Variants in ARHGEF7 observed in about 807,000 individuals in gnomAD.
The protein encoded by ARHGEF7 is Rho guanine nucleotide exchange factor 7.
Under a neutral mutation model 109.8 loss-of-function variants are expected in ARHGEF7, and 33 were observed. That is an observed-to-expected ratio of 0.30 (90% CI 0.23 to 0.40). The LOEUF is 0.40. Among genes scored for constraint, ARHGEF7 ranks in the 10% least tolerant of loss-of-function variants. The pLI is 1.00. For missense variants in ARHGEF7, 938 were observed against 1,098.5 expected (o/e 0.85, Z 2.07); for synonymous variants, 458 against 424.6 (o/e 1.08, Z -0.97).
chr13:111,290,292 A>G (rs2093221754), intron 18 of ARHGEF7, among the ~76,000 whole-genome samples: 1 of 152,260 alleles, frequency 6.6e-6, no homozygotes, highest in Non-Finnish European at 1.5e-5. Context: ...AGAAAAAAGA[A>G]ACAATAAAAA....
At chr13:111,289,196 T>C (rs891895413) in intron 18 of ARHGEF7, among the ~76,000 whole-genome samples, 2 of 152,146 alleles carry the variant, frequency 1.3e-5, no homozygotes, top group Admixed American at 6.5e-5. Context: ...CACGCCCGGC[T>C]AATTTTTTTG....
At chr13:111,211,683 C>T (rs1219802992) in intron 4 of ARHGEF7, among the ~76,000 whole-genome samples, 2 of 152,122 alleles carry the variant, frequency 1.3e-5, no homozygotes, top group South Asian at 2.1e-4. Flanking sequence ...ATGAATGTTT[C>T]TTTACCCTTA....
At chr13:111,149,337 T>C (rs1002548377) in intron 1 of ARHGEF7, among the ~76,000 whole-genome samples, 5 of 152,340 alleles carry the variant, frequency 3.3e-5, no homozygotes, top group South Asian at 2.1e-4. Context: ...TGGTAACATA[T>C]TGTTTTCATC....
At chr13:111,197,390 A>G (rs1369398564) in intron 2 of ARHGEF7, among the ~76,000 whole-genome samples, 1 of 152,170 alleles carries the variant, frequency 6.6e-6, no homozygotes, top group Non-Finnish European at 1.5e-5. Flanking sequence ...ATTCTCGTAA[A>G]ACCTGCACCT....
chr13:111,230,190 T>C (rs1213349812), intron 5 of ARHGEF7, among the ~76,000 whole-genome samples: 1 of 152,172 alleles, frequency 6.6e-6, no homozygotes, highest in Admixed American at 6.5e-5. Context: ...AGGGAAGACT[T>C]GCTGCCCCAG....
At chr13:111,245,425 T>C (rs1454742339) in intron 8 of ARHGEF7, among the ~76,000 whole-genome samples, 2 of 152,200 alleles carry the variant, frequency 1.3e-5, no homozygotes, top group Non-Finnish European at 2.9e-5. Flanking sequence ...TTCAAGATGA[T>C]GATTTTTTTG....
At position 111,145,912 on chromosome 13, in the gene ARHGEF7, G is replaced by T. The variant is rs908338406; in HGVS notation, c.166-7993G>T. On this transcript the variant is annotated intron_variant, in intron 1 of 21. Coordinates refer to ENST00000646102, the MANE Select transcript of ARHGEF7 (RefSeq NM_001354046.2). This position sits in a 1 kb window ranked among gnomAD's most constrained non-coding sequence, Gnocchi z 4.3. ...GTTTTCTGTGACCCTTTCAGCTAAG[G>T]TTCTTTGTTTCACTTACTCCGTGAT... 1.3e-5 allele frequency among the ~76,000 whole-genome samples: 2 copies of T among 152,208 alleles called. No homozygotes were observed. The highest frequency in any genetic ancestry group is 1.5e-5 in the Non-Finnish European group (1 of 68,036).
In ARHGEF7 at chr13:111,190,420, A is replaced by G. The variant is rs536723680; in HGVS notation, c.253-14869A>G. On this transcript the variant is annotated intron_variant, in intron 2 of 21. Coordinates refer to ENST00000646102, the MANE Select transcript of ARHGEF7 (RefSeq NM_001354046.2). ...CAACACTCTTCCCCTAAGAAGGTGC[A>G]GAGTCCTCCTTTCTCAGCAGTGAGG... Among the ~76,000 whole-genome samples the G allele has an allele frequency of 5.5e-4, 83 of 152,230 alleles. 1 individual carries two copies. Among genetic ancestry groups the G allele is most frequent in the African/African-American group, 2.0e-3 (82 of 41,538 alleles).
intron 1 of ARHGEF7, among the ~76,000 whole-genome samples, chr13:111,126,679 CT>C (rs1397922477): frequency 1.3e-5 from 2 of 152,192 alleles, no homozygotes; most frequent in African/African-American, 2.4e-5. Context: ...TATGGCACTT[CT>C]GACCAAGCTC....
chr13:111,141,208 C>T (rs1183854901), intron 1 of ARHGEF7, among the ~76,000 whole-genome samples: 1 of 152,054 alleles, frequency 6.6e-6, no homozygotes, highest in Admixed American at 6.6e-5. Context: ...GTTGTATGTT[C>T]TGTGGGTTTT....
chr13:111,167,489 A>G (rs574992878), intron 2 of ARHGEF7, among the ~76,000 whole-genome samples: 1 of 152,274 alleles, frequency 6.6e-6, no homozygotes, highest in Non-Finnish European at 1.5e-5. Flanking sequence ...GTTTTAGTTA[A>G]TAACTGTCTA....
Position 111,145,085 on chromosome 13 carries a change from G to A in ARHGEF7, c.166-8820G>A, listed in dbSNP as rs1476381534. ...AGATATTATCCACGGTGTTCCCCAC[G>A]TTCCCTACCACACCAAACATAACTT... On this transcript the variant is annotated intron_variant, in intron 1 of 21. Transcript: ENST00000646102. The surrounding 1 kb of genome is among the most constrained non-coding windows in gnomAD (Gnocchi z 4.3). Among the ~76,000 whole-genome samples the A allele has an allele frequency of 4.6e-5, 7 of 151,168 alleles. No homozygotes were observed. Among genetic ancestry groups the A allele is most frequent in the East Asian group, 1.9e-4 (1 of 5,166 alleles).
At chr13:111,216,690 G>A (rs544372321) in intron 4 of ARHGEF7, among the ~76,000 whole-genome samples, 1 of 152,318 alleles carries the variant, frequency 6.6e-6, no homozygotes, top group African/African-American at 2.4e-5. Context: ...CGTTGCAGGT[G>A]GGCTGGGCTC....
intron 7 of ARHGEF7, 27 bp from the exon 8 acceptor site, chr13:111,244,172 G>A: frequency 1.3e-6 from 2 of 1,499,952 alleles, no homozygotes; most frequent in Non-Finnish European, 1.8e-6. Context: ...GTTTACATAT[G>A]TTTACTGTTA....
Position 111,167,445 on chromosome 13 carries a change from C to A in ARHGEF7, c.252+13454C>A, listed in dbSNP as rs115767725. On this transcript the variant is annotated intron_variant, in intron 2 of 21. Coordinates refer to ENST00000646102, the MANE Select transcript of ARHGEF7 (RefSeq NM_001354046.2). ...CTTCTTGGTCTTTACTTCCTCCTTT[C>A]CATATTGTATCCTGGCACTGTTGTT... Among the ~76,000 whole-genome samples the A allele has an allele frequency of 9.0e-3, 1,372 of 152,276 alleles. 20 individuals are homozygous for A. The highest frequency in any genetic ancestry group is 0.031 in the African/African-American group (1,297 of 41,534).
chr13:111,163,862 T>TAA (rs2076929693), intron 2 of ARHGEF7, among the ~76,000 whole-genome samples: 1 of 152,222 alleles, frequency 6.6e-6, no homozygotes, highest in Admixed American at 6.5e-5. Context: ...ATGCATTCTA[T>TAA]TTAACCCAGT....
At chr13:111,181,624 C>T (rs965134512) in intron 2 of ARHGEF7, among the ~76,000 whole-genome samples, 2 of 152,156 alleles carry the variant, frequency 1.3e-5, no homozygotes, top group Non-Finnish European at 2.9e-5. Flanking sequence ...GTGTCTTGAG[C>T]TGGGTGCCTT....
chr13:111,302,212 T>C lies in ARHGEF7; in HGVS notation c.2466+680T>C, dbSNP rs2093584522. On this transcript the variant is annotated intron_variant, in intron 21 of 21. Transcript: ENST00000646102. ...GACTAACCAAGGGTGTTCTGGGTATTGCACGGAATGTGAGTATGAGCAGCT... is the reference window on the plus strand; with the variant it reads ...GACTAACCAAGGGTGTTCTGGGTATCGCACGGAATGTGAGTATGAGCAGCT... Among the ~76,000 whole-genome samples, 3 of 152,258 alleles carry C rather than the reference T, an allele frequency of 2.0e-5. No individual in the cohort carries two copies. In the South Asian group the frequency reaches 6.2e-4, roughly 32 times the overall value.
chr13:111,230,417 G>T (rs1433595739), intron 5 of ARHGEF7, among the ~76,000 whole-genome samples: 1 of 152,208 alleles, frequency 6.6e-6, no homozygotes, highest in African/African-American at 2.4e-5. Flanking sequence ...TTTCAATGCT[G>T]TTTTTTGGTA....
Sources: gnomAD v4.1 joint callset for allele counts (sites outside exome capture counted in the v4.1 genomes callset) on GRCh38, gnomAD v4.1.1 for gene constraint, Gnocchi (gnomAD v3.1) non-coding constraint, MANE v1.5 for transcripts, NCBI Gene and HGNC (gene_info 2026-07-23, HGNC 2026-07-21) for gene names.